DGKB: variants seen among roughly 807,000 people sequenced by gnomAD.
DGKB encodes 90 kDa diacylglycerol kinase.
DGKB carries 67 observed loss-of-function variants against 114.3 expected under a neutral mutation model. The ratio of observed to expected loss-of-function variants is 0.59; its 90% CI spans 0.48 to 0.72. The LOEUF is 0.72. Among genes scored for constraint, DGKB ranks in the 30% least tolerant of loss-of-function variants. The pLI is 0.00. For missense variants in DGKB, 907 were observed against 975.2 expected (o/e 0.93, Z 0.93); for synonymous variants, 398 against 323.1 (o/e 1.23, Z -2.49).
intron 20 of DGKB, among the ~76,000 whole-genome samples, chr7:14,548,370 C>T (rs951029833): frequency 1.3e-5 from 2 of 152,090 alleles, no homozygotes; most frequent in African/African-American, 4.8e-5. Flanking sequence ...ACAGTTAATA[C>T]GGAGTGCCCC....
chr7:14,256,812 G>A (rs563938955), intron 23 of DGKB, among the ~76,000 whole-genome samples: 9 of 147,728 alleles, frequency 6.1e-5, no homozygotes, highest in Middle Eastern at 3.5e-3. Context: ...GGGTGAGCAA[G>A]GGCCAGGGCC....
At chr7:14,535,674 G>A (rs1038898870) in intron 20 of DGKB, among the ~76,000 whole-genome samples, 2 of 151,922 alleles carry the variant, frequency 1.3e-5, no homozygotes, top group East Asian at 1.9e-4. Flanking sequence ...TGCAACCTCC[G>A]CCTCCCATGT....
At chr7:14,277,316 G>A (rs1021589389) in intron 23 of DGKB, among the ~76,000 whole-genome samples, 3 of 151,698 alleles carry the variant, frequency 2.0e-5, no homozygotes, top group African/African-American at 7.3e-5. Context: ...AATTACAGGT[G>A]CATGCCACCA....
Position 14,770,945 on chromosome 7 carries a change from A to G in DGKB, c.71-13214T>C, listed in dbSNP as rs117097049. ...GACCATTCCTGGGCCTTGAAGCGTAAGAAGATAATGAAGGAATTCTTCACA... is the reference window on the plus strand; with the variant it reads ...GACCATTCCTGGGCCTTGAAGCGTAGGAAGATAATGAAGGAATTCTTCACA... On this transcript the variant is annotated intron_variant, in intron 2 of 25. Transcript: ENST00000402815. 8.1e-3 allele frequency among the ~76,000 whole-genome samples: 1,228 copies of G among 152,202 alleles called. 22 individuals carry two copies. The Middle Eastern group carries it at 0.082, about 10-fold the overall frequency.
intron 2 of DGKB, 67 bp from the exon 3 acceptor site, chr7:14,757,798 A>G: frequency 1.3e-6 from 1 of 765,302 alleles, no homozygotes; most frequent in South Asian, 1.7e-5. Flanking sequence ...CCCAGTCCAG[A>G]AACAGAGACC....
At chr7:14,342,724 T>C (rs1811811111) in intron 22 of DGKB, among the ~76,000 whole-genome samples, 1 of 151,906 alleles carries the variant, frequency 6.6e-6, no homozygotes, top group African/African-American at 2.4e-5. Context: ...AATCAAATAA[T>C]ATATGTGCAT....
At chr7:14,826,075 G>T (rs930570448) in intron 2 of DGKB, among the ~76,000 whole-genome samples, 3 of 152,048 alleles carry the variant, frequency 2.0e-5, no homozygotes, top group Non-Finnish European at 4.4e-5. Flanking sequence ...ATCGCTCTGG[G>T]GCTTGCACGA....
rs559115524 is a variant in DGKB at position 14,760,486 on chromosome 7, C to T, written c.71-2755G>A. Among the ~76,000 whole-genome samples the T allele has an allele frequency of 4.6e-5, 7 of 152,172 alleles. No individual in the cohort carries two copies. The South Asian group carries it at 6.2e-4, about 14-fold the overall frequency. ...CTGCATATCAAAAAGAGACATGAAG[C>T]TGACCCCTTATTCTCAAATTCTTCT... On this transcript the variant is annotated intron_variant, in intron 2 of 25. Transcript: ENST00000402815.
In DGKB at chr7:14,736,116, G is replaced by C. The variant is rs1453380054; in HGVS notation, c.247C>G (p.Leu83Val). Residue 83 changes from leucine (L) to valine (V), a missense_variant, in exon 5 of 26, where the codon CTT becomes GTT. Coordinates refer to ENST00000402815, the MANE Select transcript of DGKB (RefSeq NM_001350709.2). ...AELPDDFTAH[L>V]FMSFSNKFPH... ...AACTTGTTGCTAAATGACATGAAAA[G>C]GTGTGCAGTGAAATCATCAGGAAGC... 3 of 1,609,060 alleles carry C rather than the reference G, an allele frequency of 1.9e-6. No homozygotes were observed. Among genetic ancestry groups the C allele is most frequent in the East Asian group, 2.2e-5 (1 of 44,840 alleles).
chr7:14,609,357 G>A (rs1805103110), intron 16 of DGKB, among the ~76,000 whole-genome samples: 1 of 151,914 alleles, frequency 6.6e-6, no homozygotes, highest in South Asian at 2.1e-4. Context: ...AAATGAAACT[G>A]GACTCTTTTC....
chr7:14,236,556 T>C (rs1038965605), intron 23 of DGKB, among the ~76,000 whole-genome samples: 10 of 152,132 alleles, frequency 6.6e-5, no homozygotes, highest in African/African-American at 2.4e-4. Context: ...CGATGTAATA[T>C]AGTTCTGTAA....
intron 1 of DGKB, among the ~76,000 whole-genome samples, chr7:14,841,810 A>G (rs1254657940): frequency 6.6e-6 from 1 of 152,208 alleles, no homozygotes; most frequent in Non-Finnish European, 1.5e-5. Context: ...AATTGCTTGG[A>G]ATGTTCATCA....
chr7:14,193,833 A>G (rs1361076891), intron 23 of DGKB, among the ~76,000 whole-genome samples: 2 of 152,176 alleles, frequency 1.3e-5, no homozygotes, highest in African/African-American at 4.8e-5. Flanking sequence ...AAGGAACACA[A>G]ACAACTCAAT....
In DGKB at chr7:14,148,652, C is replaced by A. The variant is rs1182164892; in HGVS notation, c.*479G>T. ...AATAAAATCTTCGAATTAAAAGTTT[C>A]TCCTCAAGTCATAGGTCACTGATAC... On this transcript the variant is annotated 3_prime_UTR_variant, in exon 26 of 26. Coordinates refer to ENST00000402815, the MANE Select transcript of DGKB (RefSeq NM_001350709.2). 9 of 158,822 alleles carry A rather than the reference C, an allele frequency of 5.7e-5. No homozygotes were observed. Among genetic ancestry groups the A allele is most frequent in the Admixed American group, 4.9e-4 (8 of 16,268 alleles). The allele number at this position is 158,822 out of a possible 1,614,324, so 9.8% of individuals were successfully genotyped here.
chr7:14,168,575 C>T (rs980789083), intron 25 of DGKB, among the ~76,000 whole-genome samples: 20 of 152,130 alleles, frequency 1.3e-4, no homozygotes, highest in African/African-American at 4.3e-4. Flanking sequence ...AGAAAAATGA[C>T]GTATTACATA....
intron 23 of DGKB, among the ~76,000 whole-genome samples, chr7:14,208,688 T>C (rs979025643): frequency 6.6e-6 from 1 of 152,058 alleles, no homozygotes; most frequent in African/African-American, 2.4e-5. Context: ...CCGGCTTTAT[T>C]GGTTCCATTC....
chr7:14,446,277 G>A (rs558587317), intron 21 of DGKB, among the ~76,000 whole-genome samples: 1 of 152,074 alleles, frequency 6.6e-6, no homozygotes, highest in Admixed American at 6.6e-5. Flanking sequence ...AATCGAAAGT[G>A]GTTCTTTTCT....
chr7:14,713,943 AAGTT>A (rs1827775266), intron 6 of DGKB, among the ~76,000 whole-genome samples: 1 of 152,090 alleles, frequency 6.6e-6, no homozygotes, highest in Admixed American at 6.6e-5. Context: ...CAAAAATATA[AAGTT>A]AGTATTATTC....
At chr7:14,600,623 G>C (rs1206611361) in intron 17 of DGKB, among the ~76,000 whole-genome samples, 9 of 152,154 alleles carry the variant, frequency 5.9e-5, no homozygotes, top group African/African-American at 1.9e-4. Context: ...AATGGTGTAC[G>C]ATAGAATGGA....
Sources: gnomAD v4.1 joint callset for allele counts (sites outside exome capture counted in the v4.1 genomes callset) on GRCh38, gnomAD v4.1.1 for gene constraint, MANE v1.5 for transcripts, NCBI Gene and HGNC (gene_info 2026-07-23, HGNC 2026-07-21) for gene names.